LDB2: variants seen among roughly 807,000 people sequenced by gnomAD.
The protein encoded by LDB2 is LIM domain binding 2, also known as LIM domain-binding protein 2.
Under a neutral mutation model 44.3 loss-of-function variants are expected in LDB2, and 12 were observed. The observed-to-expected ratio is 0.27, with a 90% CI of 0.17 to 0.44. LDB2 has a LOEUF of 0.44. LDB2 is among the 20% of genes least tolerant of loss of function. LDB2 has a pLI of 1.00. For synonymous variants in LDB2, 164 were observed against 174.8 expected (o/e 0.94, Z 0.49); for missense variants, 344 against 473.5 (o/e 0.73, Z 2.54).
intron 1 of LDB2, among the ~76,000 whole-genome samples, chr4:16,829,578 T>C (rs77674297): frequency 1.3e-5 from 2 of 152,198 alleles, no homozygotes; most frequent in East Asian, 3.9e-4. Context: ...GTGTGTGTTA[T>C]ATAAAAGTAA....
At chr4:16,555,930 T>G (rs909558055) in intron 5 of LDB2, among the ~76,000 whole-genome samples, 1 of 152,184 alleles carries the variant, frequency 6.6e-6, no homozygotes, top group African/African-American at 2.4e-5. Context: ...ATGGCCCTTC[T>G]TCTTCTTCTT....
At chr4:16,697,319 G>A (rs557528798) in intron 2 of LDB2, among the ~76,000 whole-genome samples, 8 of 135,106 alleles carry the variant, frequency 5.9e-5, no homozygotes, top group Admixed American at 2.2e-4. Flanking sequence ...GCCAGGCGTG[G>A]TGGTGGGCGC....
At chr4:16,620,442 C>A (rs1172707582) in intron 2 of LDB2, among the ~76,000 whole-genome samples, 1 of 152,062 alleles carries the variant, frequency 6.6e-6, no homozygotes, top group Non-Finnish European at 1.5e-5. Context: ...ATGAAGAACC[C>A]AGCCAGGAAA....
At chr4:16,583,288 T>C (rs768627379) in intron 5 of LDB2, among the ~76,000 whole-genome samples, 18 of 152,204 alleles carry the variant, frequency 1.2e-4, no homozygotes, top group Non-Finnish European at 2.5e-4. Context: ...GCCTTTAAAA[T>C]CTCTATCCAT....
chr4:16,758,186 TTTTG>T (rs996077949), intron 2 of LDB2, among the ~76,000 whole-genome samples: 4 of 152,164 alleles, frequency 2.6e-5, no homozygotes, highest in Admixed American at 2.0e-4. Flanking sequence ...TCCCCCAATT[TTTTG>T]TTTAATTGTT....
In LDB2 at chr4:16,598,570, T is replaced by C. The variant is rs77195979; in HGVS notation, c.236-2695A>G. Among the ~76,000 whole-genome samples the C allele has an allele frequency of 1.6e-3, 237 of 152,220 alleles. 1 individual carries two copies. The highest frequency in any genetic ancestry group is 5.3e-3 in the African/African-American group (221 of 41,542). Reference sequence around the variant, plus strand: ...TAAGTAAATAAAAGAAATATTTGTATTTTAAGTCAACATGTGTTGAGGTGT... The same window carrying C: ...TAAGTAAATAAAAGAAATATTTGTACTTTAAGTCAACATGTGTTGAGGTGT... On this transcript the variant is annotated intron_variant, in intron 2 of 7. Coordinates refer to ENST00000304523, the MANE Select transcript of LDB2 (RefSeq NM_001290.5).
chr4:16,557,067 G>A (rs950867378), intron 5 of LDB2, among the ~76,000 whole-genome samples: 4 of 152,198 alleles, frequency 2.6e-5, no homozygotes, highest in Non-Finnish European at 5.9e-5. Context: ...ATTTTCATAA[G>A]AAGATAGATC....
At chr4:16,834,237 A>T (rs1450142495) in intron 1 of LDB2, among the ~76,000 whole-genome samples, 1 of 152,170 alleles carries the variant, frequency 6.6e-6, no homozygotes, top group Non-Finnish European at 1.5e-5. Flanking sequence ...TTATTAATGA[A>T]TTGTGTATAA....
At chr4:16,728,082 G>A (rs1035503911) in intron 2 of LDB2, among the ~76,000 whole-genome samples, 5 of 152,108 alleles carry the variant, frequency 3.3e-5, no homozygotes, top group Non-Finnish European at 5.9e-5. Flanking sequence ...AGTTGCATTT[G>A]TTACTTAATT....
intron 5 of LDB2, among the ~76,000 whole-genome samples, chr4:16,546,324 CTA>C (rs1382502727): frequency 1.3e-5 from 2 of 152,190 alleles, no homozygotes; most frequent in Non-Finnish European, 2.9e-5. Flanking sequence ...TGGACGAATT[CTA>C]AAATGTGAAT....
rs543542338 is a variant in LDB2 at position 16,740,894 on chromosome 4, C to T, written c.235+18264G>A. ...AATCTTATCCTCCTTTTAAATACAA[C>T]TTTCAGTAAGGAGACCAAAATGCAA... On this transcript the variant is annotated intron_variant, in intron 2 of 7. Transcript: ENST00000304523. Among the ~76,000 whole-genome samples, 338 of 152,282 alleles carry T rather than the reference C, an allele frequency of 2.2e-3. 1 individual carries two copies. Among genetic ancestry groups the T allele is most frequent in the Non-Finnish European group, 3.3e-3 (226 of 68,020 alleles).
intron 1 of LDB2, among the ~76,000 whole-genome samples, chr4:16,794,195 C>T (rs1776302505): frequency 6.6e-6 from 1 of 152,052 alleles, no homozygotes. Flanking sequence ...GGGCTGACAC[C>T]CTGGGGCAGA....
intron 4 of LDB2, 32 bp from the exon 5 acceptor site, chr4:16,586,037 A>C: frequency 6.6e-7 from 1 of 1,523,470 alleles, no homozygotes; most frequent in Non-Finnish European, 9.1e-7. Flanking sequence ...CATGTATTTT[A>C]TCACTACAGG....
At chr4:16,529,937 G>T (rs1401450038) in intron 5 of LDB2, among the ~76,000 whole-genome samples, 1 of 152,180 alleles carries the variant, frequency 6.6e-6, no homozygotes, top group Non-Finnish European at 1.5e-5. Context: ...CTCTGGAGCA[G>T]TGAGAAGCTT....
intron 1 of LDB2, among the ~76,000 whole-genome samples, chr4:16,817,247 G>T (rs562300405): frequency 6.6e-6 from 1 of 152,034 alleles, no homozygotes; most frequent in African/African-American, 2.4e-5. Context: ...TTCCCAGCTC[G>T]ACTTCCTACT....
chr4:16,707,819 GAA>G lies in LDB2; in HGVS notation c.235+51337_235+51338del, dbSNP rs533108751. On this transcript the variant is annotated intron_variant, in intron 2 of 7. Transcript: ENST00000304523. ...GATTGATTTTCAGAAATCTTGGGTAGAAAAATACATCGTGAAAAAATGTCATC... is the reference window on the plus strand; with the variant it reads ...GATTGATTTTCAGAAATCTTGGGTAGAAATACATCGTGAAAAAATGTCATC... 1.8e-3 allele frequency among the ~76,000 whole-genome samples: 271 copies of G among 152,156 alleles called. 1 individual carries two copies. Among genetic ancestry groups the G allele is most frequent in the African/African-American group, 6.2e-3 (259 of 41,528 alleles).
At chr4:16,694,457 C>T (rs1277346404) in intron 2 of LDB2, among the ~76,000 whole-genome samples, 1 of 152,188 alleles carries the variant, frequency 6.6e-6, no homozygotes, top group Non-Finnish European at 1.5e-5. Flanking sequence ...ATGGAAGTAT[C>T]ATTGTAGTTC....
chr4:16,883,327 A>C (rs1273960031), intron 1 of LDB2, among the ~76,000 whole-genome samples: 1 of 152,246 alleles, frequency 6.6e-6, no homozygotes, highest in African/African-American at 2.4e-5. Context: ...TTCATAGCTC[A>C]TCTAATCCAA....
chr4:16,773,667 C>A (rs2109366302), intron 1 of LDB2, among the ~76,000 whole-genome samples: 1 of 152,230 alleles, frequency 6.6e-6, no homozygotes, highest in South Asian at 2.1e-4. Context: ...TCCTGATGCA[C>A]AGACCAGTTC....
Sources: allele counts gnomAD v4.1 joint callset (sites outside exome capture counted in the v4.1 genomes callset), GRCh38; gene constraint gnomAD v4.1.1; transcripts MANE v1.5; gene names NCBI Gene and HGNC (gene_info 2026-07-23, HGNC 2026-07-21).